The following GABRG3 variants were observed in gnomAD, a reference collection of about 807,000 sequenced individuals.
The protein encoded by GABRG3 is gamma-aminobutyric acid receptor subunit gamma-3.
Under a neutral mutation model 48.8 loss-of-function variants are expected in GABRG3, and 25 were observed. The ratio of observed to expected loss-of-function variants is 0.51; its 90% CI spans 0.37 to 0.72. GABRG3 has a LOEUF of 0.72. Ranked by LOEUF, GABRG3 falls within the 30% of genes least tolerant of loss-of-function variation. The pLI, the probability that GABRG3 is intolerant of heterozygous loss-of-function variation, is 0.00. For synonymous variants in GABRG3, 227 were observed against 217.6 expected (o/e 1.04, Z -0.38); for missense variants, 394 against 577.9 (o/e 0.68, Z 3.26).
intron 5 of GABRG3, among the ~76,000 whole-genome samples, chr15:27,465,874 T>C (rs771897773): frequency 6.7e-6 from 1 of 149,940 alleles, no homozygotes; most frequent in Non-Finnish European, 1.5e-5. Flanking sequence ...TGATATGTTC[T>C]TTTGTATTCT....
intron 3 of GABRG3, among the ~76,000 whole-genome samples, chr15:27,146,000 A>G (rs907337316): frequency 2.0e-5 from 3 of 152,304 alleles, no homozygotes; most frequent in East Asian, 1.9e-4. Context: ...TAAGAATTCT[A>G]TATCCAACAA....
At chr15:27,119,431 G>A (rs1224678179) in intron 3 of GABRG3, among the ~76,000 whole-genome samples, 1 of 152,192 alleles carries the variant, frequency 6.6e-6, no homozygotes, top group Non-Finnish European at 1.5e-5. Context: ...CATGTTTATG[G>A]TGAAATATGT....
intron 2 of GABRG3, among the ~76,000 whole-genome samples, chr15:27,002,971 T>A (rs994233847): frequency 6.6e-6 from 1 of 150,678 alleles, no homozygotes; most frequent in Admixed American, 6.7e-5. Context: ...ACTCGAAAAT[T>A]AAATAAAATA....
chr15:27,246,630 A>G (rs1398536847), intron 3 of GABRG3, among the ~76,000 whole-genome samples: 2 of 152,196 alleles, frequency 1.3e-5, no homozygotes, highest in Non-Finnish European at 2.9e-5. Flanking sequence ...ATTTGGGCAA[A>G]TGTTATAGTT....
At chr15:26,996,236 G>C (rs1232606767) in intron 2 of GABRG3, among the ~76,000 whole-genome samples, 1 of 151,598 alleles carries the variant, frequency 6.6e-6, no homozygotes, top group Non-Finnish European at 1.5e-5. Context: ...TTGGATTTTT[G>C]TTTGTGGTCA....
chr15:27,511,553 C>T (rs1890895250), intron 6 of GABRG3, among the ~76,000 whole-genome samples: 1 of 152,168 alleles, frequency 6.6e-6, no homozygotes. Context: ...ATATACTGCT[C>T]AACGCAAAAT....
At chr15:27,335,405 T>G (rs758294904) in intron 5 of GABRG3, among the ~76,000 whole-genome samples, 1 of 152,256 alleles carries the variant, frequency 6.6e-6, no homozygotes, top group Admixed American at 6.5e-5. Context: ...ACACTTGTTA[T>G]CTTTTCCCTT....
At chr15:27,019,430 C>T (rs1012568563) in intron 2 of GABRG3, among the ~76,000 whole-genome samples, 2 of 152,134 alleles carry the variant, frequency 1.3e-5, no homozygotes, top group African/African-American at 2.4e-5. Flanking sequence ...GGTGGAACCC[C>T]GGATTCTCTG....
In GABRG3 at chr15:26,974,580, C is replaced by T. The variant is rs1175315933; in HGVS notation, c.54-2422C>T. Among the ~76,000 whole-genome samples, 1 of 151,718 alleles carries T rather than the reference C, an allele frequency of 6.6e-6. No individual in the cohort carries two copies. The highest frequency in any genetic ancestry group is 1.5e-5 in the Non-Finnish European group (1 of 67,952). ...CTCACAGTGCCCAAGACAGAGACAG[C>T]AGAGGGAGGGAGGAAGGCACCTGGG... On this transcript the variant is annotated intron_variant, in intron 1 of 9. Transcript: ENST00000615808. This position sits in a 1 kb window ranked among gnomAD's most constrained non-coding sequence, Gnocchi z 4.3.
Position 27,269,854 on chromosome 15 carries a change from A to G in GABRG3, c.271-56955A>G, listed in dbSNP as rs907173080. 1.6e-4 allele frequency among the ~76,000 whole-genome samples: 25 copies of G among 152,296 alleles called. No homozygotes were observed. The South Asian group carries it at 1.9e-3, about 11-fold the overall frequency. ...CATATATATATATCCATATCTGTCT[A>G]TCTATCTACATGTCTGTTACAAATA... On this transcript the variant is annotated intron_variant, in intron 3 of 9. Coordinates refer to ENST00000615808, the MANE Select transcript of GABRG3 (RefSeq NM_033223.5).
intron 3 of GABRG3, among the ~76,000 whole-genome samples, chr15:27,027,947 T>C (rs932673618): frequency 6.6e-6 from 1 of 152,218 alleles, no homozygotes; most frequent in African/African-American, 2.4e-5. Flanking sequence ...ACGTCTAACA[T>C]GTGTTTATGT....
intron 3 of GABRG3, among the ~76,000 whole-genome samples, chr15:27,095,457 A>G (rs1283708945): frequency 6.6e-6 from 1 of 152,144 alleles, no homozygotes; most frequent in Non-Finnish European, 1.5e-5. Context: ...TCCCTTGTGT[A>G]GGTCTCGGTC....
chr15:27,039,682 G>A (rs1896241318), intron 3 of GABRG3, among the ~76,000 whole-genome samples: 1 of 152,194 alleles, frequency 6.6e-6, no homozygotes, highest in African/African-American at 2.4e-5. Context: ...GCATGCAGTT[G>A]TCAGGAAAGC....
chr15:27,306,856 T>C (rs1189973300), intron 3 of GABRG3, among the ~76,000 whole-genome samples: 2 of 87,652 alleles, frequency 2.3e-5, no homozygotes, highest in Admixed American at 1.3e-4. Flanking sequence ...TATATAAACA[T>C]ACAATATAAA....
chr15:27,521,735 CTT>C (rs1313246331), intron 7 of GABRG3, among the ~76,000 whole-genome samples: 3 of 151,870 alleles, frequency 2.0e-5, no homozygotes, highest in African/African-American at 7.2e-5. Flanking sequence ...ACTAACTAGA[CTT>C]AAGAGCAGAT....
intron 3 of GABRG3, among the ~76,000 whole-genome samples, chr15:27,032,240 T>A (rs1184279289): frequency 6.6e-6 from 1 of 152,194 alleles, no homozygotes; most frequent in East Asian, 1.9e-4. Context: ...CTAACGTATG[T>A]TAGTTCTCTG....
At chr15:27,040,070 C>T (rs540973442) in intron 3 of GABRG3, among the ~76,000 whole-genome samples, 1 of 152,264 alleles carries the variant, frequency 6.6e-6, no homozygotes, top group Non-Finnish European at 1.5e-5. Flanking sequence ...TCAGCCCACA[C>T]CTTGGCAGTT....
rs543998505 is a variant in GABRG3 at position 27,476,805 on chromosome 15, T to C, written c.575-3845T>C. The stretch of plus-strand genomic sequence containing the variant: ...GCCAAAAATTTGACAAAACAATTCA[T>C]TTTTACATCTAAGAATGTCAACAAA... On this transcript the variant is annotated intron_variant, in intron 5 of 9. Transcript: ENST00000615808. 2.0e-5 allele frequency among the ~76,000 whole-genome samples: 3 copies of C among 152,272 alleles called. No individual in the cohort carries two copies. In the South Asian group the frequency reaches 6.2e-4, roughly 32 times the overall value.
intron 3 of GABRG3, among the ~76,000 whole-genome samples, chr15:27,085,063 A>C (rs1189543528): frequency 6.6e-6 from 1 of 152,208 alleles, no homozygotes; most frequent in East Asian, 1.9e-4. Flanking sequence ...CTTATTCGAT[A>C]CTCAGCAGGT....
Sources: gnomAD v4.1 joint callset for allele counts (sites outside exome capture counted in the v4.1 genomes callset) on GRCh38, gnomAD v4.1.1 for gene constraint, Gnocchi (gnomAD v3.1) non-coding constraint, MANE v1.5 for transcripts, NCBI Gene and HGNC (gene_info 2026-07-23, HGNC 2026-07-21) for gene names.